Variants in SYBU observed in about 807,000 individuals in gnomAD.
SYBU encodes the protein syntabulin, also known as GOLSYN A protein.
Under a neutral mutation model 35.9 loss-of-function variants are expected in SYBU, and 21 were observed. The ratio of observed to expected loss-of-function variants is 0.58; its 90% CI spans 0.41 to 0.84. The LOEUF is 0.84. Among genes scored for constraint, SYBU ranks in the 40% least tolerant of loss-of-function variants. SYBU has a pLI of 0.00. For synonymous variants in SYBU, 319 were observed against 324.3 expected, an observed-to-expected ratio of 0.98 and a Z score of 0.18; for missense variants, 768 against 848.2, an observed-to-expected ratio of 0.91 and a Z score of 1.17.
intron 3 of SYBU, among the ~76,000 whole-genome samples, chr8:109,598,873 A>G (rs1173686761): frequency 6.6e-6 from 1 of 152,252 alleles, no homozygotes; most frequent in Non-Finnish European, 1.5e-5. Flanking sequence ...AAGAGGTACA[A>G]TTATTATTCC....
At chr8:109,630,929 G>T (rs181466859) in intron 2 of SYBU, among the ~76,000 whole-genome samples, 7 of 152,194 alleles carry the variant, frequency 4.6e-5, no homozygotes, top group Admixed American at 4.6e-4. Context: ...TGAAAGGCAG[G>T]AGGAACGCTC....
chr8:109,610,195 C>T (rs1811016489), intron 3 of SYBU, among the ~76,000 whole-genome samples: 2 of 152,144 alleles, frequency 1.3e-5, no homozygotes, highest in South Asian at 4.1e-4. Context: ...CTCCAGTTAC[C>T]TTGTTTTACT....
At chr8:109,590,396 A>T (rs1436307168) in intron 3 of SYBU, among the ~76,000 whole-genome samples, 1 of 142,686 alleles carries the variant, frequency 7.0e-6, no homozygotes, top group Non-Finnish European at 1.5e-5. Flanking sequence ...CATTGATAAG[A>T]TACATATACA....
chr8:109,643,113 C>T (rs1013679728), intron 1 of SYBU, 181 bp from the exon 2 acceptor site: 4 of 1,337,398 alleles, frequency 3.0e-6, no homozygotes, highest in African/African-American at 1.5e-5. Flanking sequence ...ATGAGTTAAC[C>T]TTTCTAATCT....
intron 5 of SYBU, 51 bp downstream of exon 5, chr8:109,579,748 C>A: frequency 6.6e-7 from 1 of 1,521,370 alleles, no homozygotes; most frequent in South Asian, 1.2e-5. Flanking sequence ...TAAAGAAAAG[C>A]TTACCAAGTA....
intron 2 of SYBU, among the ~76,000 whole-genome samples, chr8:109,619,357 G>A (rs570591814): frequency 6.6e-6 from 1 of 152,042 alleles, no homozygotes; most frequent in South Asian, 2.1e-4. Context: ...CCAAGTAGCT[G>A]GGATTACAGA....
chr8:109,684,825 T>C (rs1817483082), upstream of SYBU, among the ~76,000 whole-genome samples: 1 of 152,196 alleles, frequency 6.6e-6, no homozygotes, highest in Non-Finnish European at 1.5e-5. Flanking sequence ...TGGCTCTGGC[T>C]CTTGGATTTT....
chr8:109,673,141 G>A (rs1817051676), intron 1 of SYBU, among the ~76,000 whole-genome samples: 1 of 152,218 alleles, frequency 6.6e-6, no homozygotes, highest in African/African-American at 2.4e-5. Flanking sequence ...TGCTGGCTCT[G>A]AAGAGAGCAA....
intron 3 of SYBU, among the ~76,000 whole-genome samples, chr8:109,606,647 C>T (rs537164800): frequency 4.6e-5 from 7 of 152,292 alleles, no homozygotes; most frequent in Middle Eastern, 3.4e-3. Context: ...TGTTTGTCTG[C>T]TATTCCATCT....
intron 4 of SYBU, among the ~76,000 whole-genome samples, chr8:109,582,562 TAGAC>T (rs1477937704): frequency 2.0e-5 from 3 of 152,166 alleles, no homozygotes. Context: ...TAGAAGGTCA[TAGAC>T]AGAGGAGTGA....
intron 1 of SYBU, among the ~76,000 whole-genome samples, chr8:109,663,258 C>CATACAGATAGAT (rs1282405275): frequency 0.017 from 2,545 of 149,096 alleles, 59 homozygotes; most frequent in African/African-American, 0.054. Context: ...AAAATACATA[C>CATACAGATAGAT]AGATAGATAG....
In SYBU at chr8:109,575,307, T is replaced by G. The variant is rs1472650901; in HGVS notation, c.1591A>C (p.Ser531Arg). 5.6e-6 allele frequency: 9 copies of G among 1,614,080 alleles called. No individual in the cohort carries two copies. Among genetic ancestry groups the G allele is most frequent in the Non-Finnish European group, 7.6e-6 (9 of 1,180,012 alleles). ...PDESEPDSMESFPESLSALVV... is the reference protein window; with the variant it reads ...PDESEPDSMERFPESLSALVV... Reference sequence around the variant, plus strand: ...AAGGCAGAGAGGGACTCTGGGAAGCTCTCCATCGAGTCTGGTTCAGACTCA... The same window carrying G: ...AAGGCAGAGAGGGACTCTGGGAAGCGCTCCATCGAGTCTGGTTCAGACTCA... The change falls in exon 7 of 7, where the codon AGC becomes CGC. Residue 531 changes from serine (S) to arginine (R), a missense_variant. Physicochemically the swap from Ser to Arg is moderately radical, Grantham distance 110. Coordinates refer to ENST00000276646, the MANE Select transcript of SYBU (RefSeq NM_001099754.2).
chr8:109,600,486 T>A (rs949228974), intron 3 of SYBU, among the ~76,000 whole-genome samples: 2 of 152,168 alleles, frequency 1.3e-5, no homozygotes, highest in African/African-American at 4.8e-5. Flanking sequence ...GCACAGAGCC[T>A]GGCTTATAGG....
intron 3 of SYBU, among the ~76,000 whole-genome samples, chr8:109,606,120 C>T (rs1246694199): frequency 6.6e-6 from 1 of 152,180 alleles, no homozygotes; most frequent in Non-Finnish European, 1.5e-5. Flanking sequence ...TAGGTACATT[C>T]TCATGTACAT....
In SYBU at chr8:109,590,199, A is replaced by T. The variant is rs1201968729; in HGVS notation, c.428-4037T>A. ...CAATTATAGAAGACACTATTAAAAG[A>T]AGCTGCTCTAAAGTACATTCAGTAG... On this transcript the variant is annotated intron_variant, in intron 3 of 6. Transcript: ENST00000276646. Among the ~76,000 whole-genome samples, 3 of 152,220 alleles carry T rather than the reference A, an allele frequency of 2.0e-5. No homozygotes were observed. The East Asian group carries it at 5.8e-4, about 29-fold the overall frequency.
rs1823390824 is a variant in SYBU, at chr8:109,584,475, T to C, written c.530+1585A>G. ...TGTTTGATACTTTGTTCCATGTGTA[T>C]GTCATAATTTCTTGAGTGGGTTATA... On this transcript the variant is annotated intron_variant, in intron 4 of 6. Coordinates refer to ENST00000276646, the MANE Select transcript of SYBU (RefSeq NM_001099754.2). This position sits in a 1 kb window ranked among gnomAD's most constrained non-coding sequence, Gnocchi z 4.0. 6.6e-6 allele frequency among the ~76,000 whole-genome samples: 1 copy of C among 152,222 alleles called. No homozygotes were observed. The highest frequency in any genetic ancestry group is 2.1e-4 in the South Asian group (1 of 4,832).
At chr8:109,672,894 A>G (rs1817038905) in intron 1 of SYBU, among the ~76,000 whole-genome samples, 1 of 152,196 alleles carries the variant, frequency 6.6e-6, no homozygotes, top group Admixed American at 6.5e-5. Context: ...TTTTCCCCAC[A>G]CAGTGTAAAC....
upstream of SYBU, among the ~76,000 whole-genome samples, chr8:109,683,269 C>G (rs118080934): frequency 6.2e-3 from 944 of 152,330 alleles, 13 homozygotes; most frequent in East Asian, 0.064. Context: ...GTTGGGCTGT[C>G]TCATGCAAAG....
At chr8:109,679,657 T>C (rs1325296960) in intron 1 of SYBU, among the ~76,000 whole-genome samples, 1 of 152,216 alleles carries the variant, frequency 6.6e-6, no homozygotes, top group African/African-American at 2.4e-5. Flanking sequence ...ACAGCACAAG[T>C]AAGACAGCTC....
Sources: gnomAD v4.1 joint callset for allele counts (sites outside exome capture counted in the v4.1 genomes callset) on GRCh38, gnomAD v4.1.1 for gene constraint, Gnocchi (gnomAD v3.1) non-coding constraint, MANE v1.5 for transcripts, NCBI Gene and HGNC (gene_info 2026-07-23, HGNC 2026-07-21) for gene names.